Variants in ADAM2 observed in about 807,000 individuals in gnomAD.
ADAM2 encodes ADAM metallopeptidase domain 2, also known as disintegrin and metalloproteinase domain-containing protein 2.
Under a neutral mutation model 99.3 loss-of-function variants are expected in ADAM2, and 101 were observed. The observed-to-expected ratio is 1.02, with a 90% CI of 0.87 to 1.20. The LOEUF is 1.20. Ranked by LOEUF, ADAM2 falls within the 50% of genes most tolerant of loss-of-function variation. The pLI is 0.00. For missense variants in ADAM2, 948 were observed against 878.7 expected (o/e 1.08, Z -1.00); for synonymous variants, 323 against 287.6 (o/e 1.12, Z -1.25).
At chr8:39,804,054 T>G (rs1804327813) in intron 7 of ADAM2, among the ~76,000 whole-genome samples, 1 of 152,150 alleles carries the variant, frequency 6.6e-6, no homozygotes. Flanking sequence ...AGTGCATGAT[T>G]AAGTATCCAG....
At position 39,816,481 on chromosome 8, in the gene ADAM2, C is replaced by T. The variant is rs184019565; in HGVS notation, c.513+4521G>A. Among the ~76,000 whole-genome samples the T allele has an allele frequency of 6.8e-4, 103 of 152,224 alleles. 1 individual carries two copies. Among genetic ancestry groups the T allele is most frequent in the African/African-American group, 2.4e-3 (98 of 41,542 alleles). On this transcript the variant is annotated intron_variant, in intron 6 of 20. Coordinates refer to ENST00000265708, the MANE Select transcript of ADAM2 (RefSeq NM_001464.5). The stretch of plus-strand genomic sequence containing the variant: ...TAGTAATTACCTAGAGAAATAAAAA[C>T]ATATATCCACATAAAACATATATTA...
At chr8:39,794,894 C>A (rs1803875115) in intron 7 of ADAM2, among the ~76,000 whole-genome samples, 1 of 152,016 alleles carries the variant, frequency 6.6e-6, no homozygotes, top group African/African-American at 2.4e-5. Context: ...TGTCCTGCTA[C>A]CAAAATAGAC....
chr8:39,784,139 A>T (rs1051588948), intron 10 of ADAM2, among the ~76,000 whole-genome samples: 2 of 152,138 alleles, frequency 1.3e-5, no homozygotes, highest in Non-Finnish European at 2.9e-5. Context: ...GAATTTAAAC[A>T]TCAAAAGGCA....
At chr8:39,838,091 G>A in intron 1 of ADAM2, 40 bp downstream of exon 1, 1 of 1,607,922 alleles carries the variant, frequency 6.2e-7, no homozygotes, top group South Asian at 1.1e-5. Flanking sequence ...GAGTAGCGCT[G>A]AGGGTCCCAA....
intron 7 of ADAM2, among the ~76,000 whole-genome samples, chr8:39,798,841 C>T (rs1454956813): frequency 6.6e-6 from 1 of 151,932 alleles, no homozygotes; most frequent in Non-Finnish European, 1.5e-5. Context: ...GGTGTTTATA[C>T]TATTCTCTGA....
At chr8:39,792,984 T>A (rs1476282753) in intron 7 of ADAM2, among the ~76,000 whole-genome samples, 1 of 152,066 alleles carries the variant, frequency 6.6e-6, no homozygotes, top group East Asian at 1.9e-4. Flanking sequence ...TAGTCAGTTA[T>A]TTTGAGACCT....
intron 3 of ADAM2, among the ~76,000 whole-genome samples, chr8:39,825,280 A>G (rs1427901193): frequency 1.3e-5 from 2 of 152,184 alleles, no homozygotes; most frequent in African/African-American, 2.4e-5. Context: ...AACTTGTTCA[A>G]TCACCAAAGC....
At chr8:39,817,520 G>A (rs1053306842) in intron 6 of ADAM2, among the ~76,000 whole-genome samples, 15 of 152,132 alleles carry the variant, frequency 9.9e-5, no homozygotes, top group African/African-American at 3.6e-4. Context: ...AATGATAAAT[G>A]TTTAAGGTAA....
chr8:39,811,686 A>G (rs1804701926), intron 6 of ADAM2, among the ~76,000 whole-genome samples: 4 of 152,250 alleles, frequency 2.6e-5, no homozygotes, highest in Admixed American at 2.6e-4. Context: ...CCACATGATT[A>G]TCTCAACAGA....
At chr8:39,808,859 T>A (rs1586136187) in intron 7 of ADAM2, among the ~76,000 whole-genome samples, 1 of 152,130 alleles carries the variant, frequency 6.6e-6, no homozygotes. Flanking sequence ...GAGTTTGCAG[T>A]GAGCCGAGAT....
intron 12 of ADAM2, among the ~76,000 whole-genome samples, chr8:39,768,673 A>G (rs1226533246): frequency 6.6e-6 from 1 of 152,202 alleles, no homozygotes; most frequent in Non-Finnish European, 1.5e-5. Context: ...TAGGTTAAAT[A>G]CTAGTTTTAA....
chr8:39,752,605 G>T (rs1269550846), intron 16 of ADAM2, among the ~76,000 whole-genome samples: 1 of 152,166 alleles, frequency 6.6e-6, no homozygotes, highest in Non-Finnish European at 1.5e-5. Context: ...AGGGAAAGGT[G>T]CAGGGAGAGT....
Position 39,785,546 on chromosome 8 carries a change from A to G in ADAM2, c.891+1428T>C, listed in dbSNP as rs909546113. ...ACTCGAAAGAAAATAAGTCAATCCC[A>G]GCACTTTGGGAGACCAAGGCGGGGG... On this transcript the variant is annotated intron_variant, in intron 10 of 20. Coordinates refer to ENST00000265708, the MANE Select transcript of ADAM2 (RefSeq NM_001464.5). Among the ~76,000 whole-genome samples the G allele has an allele frequency of 1.4e-4, 21 of 152,338 alleles. No individual in the cohort carries two copies. In the South Asian group the frequency reaches 4.1e-3, roughly 30 times the overall value.
At chr8:39,802,276 T>C (rs1283203221) in intron 7 of ADAM2, among the ~76,000 whole-genome samples, 15 of 152,302 alleles carry the variant, frequency 9.8e-5, no homozygotes, top group African/African-American at 2.9e-4. Flanking sequence ...ACCACACTGC[T>C]CTTCCTTCTT....
intron 19 of ADAM2, among the ~76,000 whole-genome samples, chr8:39,745,110 T>C (rs889645328): frequency 6.6e-6 from 1 of 152,106 alleles, no homozygotes; most frequent in South Asian, 2.1e-4. Flanking sequence ...AAAAGCACAG[T>C]GATATATGTT....
At chr8:39,769,987 C>A (rs1802718220) in intron 11 of ADAM2, among the ~76,000 whole-genome samples, 1 of 141,898 alleles carries the variant, frequency 7.0e-6, no homozygotes. Flanking sequence ...CACTCTGTCA[C>A]CCAGGCTGGA....
At chr8:39,790,698 C>T (rs59821148) in intron 7 of ADAM2, among the ~76,000 whole-genome samples, 27,549 of 151,828 alleles carry the variant, frequency 0.18, 2,812 homozygotes, top group East Asian at 0.28. Context: ...ATATAAGTTA[C>T]ATTTCAATAA....
At chr8:39,745,789 A>G (rs1036753487) in intron 19 of ADAM2, among the ~76,000 whole-genome samples, 14 of 152,094 alleles carry the variant, frequency 9.2e-5, no homozygotes, top group African/African-American at 3.4e-4. Context: ...AGATATAGAA[A>G]TATTACAAAG....
chr8:39,794,570 G>T (rs549431142), intron 7 of ADAM2, among the ~76,000 whole-genome samples: 1 of 152,266 alleles, frequency 6.6e-6, no homozygotes, highest in African/African-American at 2.4e-5. Flanking sequence ...GGTAGTTAAA[G>T]ATCGACCCCT....
Sources: gnomAD v4.1 joint callset for allele counts (sites outside exome capture counted in the v4.1 genomes callset) on GRCh38, gnomAD v4.1.1 for gene constraint, MANE v1.5 for transcripts, NCBI Gene and HGNC (gene_info 2026-07-23, HGNC 2026-07-21) for gene names.